RNF150: variants seen among roughly 807,000 people sequenced by gnomAD.
RNF150 encodes ring finger protein 150.
RNF150 carries 24 observed loss-of-function variants against 39.3 expected under a neutral mutation model. The ratio of observed to expected loss-of-function variants is 0.61; its 90% CI spans 0.44 to 0.86. RNF150 has a LOEUF of 0.86. RNF150 is among the 40% of genes least tolerant of loss of function. The pLI is 0.00. For missense variants in RNF150, 502 were observed against 587.8 expected (o/e 0.85, Z 1.51); for synonymous variants, 255 against 227.3 (o/e 1.12, Z -1.10).
intron 1 of RNF150, among the ~76,000 whole-genome samples, chr4:140,986,219 G>A (rs1467476280): frequency 1.3e-5 from 2 of 152,004 alleles, no homozygotes; most frequent in Non-Finnish European, 2.9e-5. Context: ...AAGAAAATGC[G>A]CTGCCCACGT....
chr4:140,964,933 T>G (rs1733177533), intron 2 of RNF150, among the ~76,000 whole-genome samples: 1 of 151,838 alleles, frequency 6.6e-6, no homozygotes, highest in Admixed American at 6.6e-5. Context: ...ATATGTTAAA[T>G]GGGGATACTG....
chr4:140,899,783 T>C (rs1730105766), intron 6 of RNF150, among the ~76,000 whole-genome samples: 1 of 151,906 alleles, frequency 6.6e-6, no homozygotes, highest in African/African-American at 2.4e-5. Context: ...GCTAAATCAC[T>C]TCAGCTGCAA....
intron 1 of RNF150, among the ~76,000 whole-genome samples, chr4:141,100,677 A>T (rs1355417918): frequency 6.6e-6 from 1 of 152,224 alleles, no homozygotes; most frequent in Non-Finnish European, 1.5e-5. Context: ...CATGTGTTGC[A>T]TAACAACAGA....
intron 1 of RNF150, among the ~76,000 whole-genome samples, chr4:140,985,528 A>G (rs1210903480): frequency 1.3e-5 from 2 of 152,188 alleles, no homozygotes; most frequent in Admixed American, 1.3e-4. Flanking sequence ...TGTAGCCACT[A>G]GCCACATGGA....
chr4:141,198,995 C>T (rs1398352158), intron 1 of RNF150, among the ~76,000 whole-genome samples: 1 of 152,066 alleles, frequency 6.6e-6, no homozygotes, highest in Non-Finnish European at 1.5e-5. Flanking sequence ...TTCTCATATT[C>T]AGAAGACACA....
intron 1 of RNF150, among the ~76,000 whole-genome samples, chr4:141,038,157 T>C (rs898984716): frequency 6.6e-6 from 1 of 152,172 alleles, no homozygotes; most frequent in Non-Finnish European, 1.5e-5. Context: ...GTGGAGAGAA[T>C]GCTTGGCTGG....
intron 1 of RNF150, among the ~76,000 whole-genome samples, chr4:141,022,804 CCAAA>C (rs1274277351): frequency 5.9e-5 from 9 of 152,068 alleles, no homozygotes; most frequent in Admixed American, 2.0e-4. Context: ...TTCTGTATCA[CCAAA>C]CAAAGTGTCA....
chr4:141,096,515 A>G (rs1455347587), intron 1 of RNF150, among the ~76,000 whole-genome samples: 1 of 152,052 alleles, frequency 6.6e-6, no homozygotes, highest in Non-Finnish European at 1.5e-5. Flanking sequence ...TTTAGCTTCT[A>G]CAACAATTAA....
chr4:141,211,630 G>T (rs1728467318), intron 1 of RNF150, among the ~76,000 whole-genome samples: 1 of 151,760 alleles, frequency 6.6e-6, no homozygotes, highest in Non-Finnish European at 1.5e-5. Context: ...AAGAAGGAAA[G>T]TAATAGAATT....
chr4:140,938,233 T>C (rs527923448), intron 4 of RNF150, among the ~76,000 whole-genome samples: 4 of 152,330 alleles, frequency 2.6e-5, no homozygotes, highest in African/African-American at 9.6e-5. Context: ...TTTCAGTGAT[T>C]TCAGTAAAAC....
rs756261993 is a variant in RNF150 at position 140,967,677 on chromosome 4, G to A, written c.681C>T (p.Leu227=). The A allele has an allele frequency of 3.1e-6, 5 of 1,613,150 alleles. No homozygotes were observed. Among genetic ancestry groups the A allele is most frequent in the Non-Finnish European group, 3.4e-6 (4 of 1,179,404 alleles). ...GAAACCTCTGGATGTAATAAAAGAC[G>A]AGCCATGCGAGGGAAATGATCATCA... ...IVLMIISLAW[L]VFYYIQRFRY... The change falls in exon 2 of 7, where the codon CTC becomes CTT. Residue 227 remains leucine (L), a synonymous_variant. Coordinates refer to ENST00000515673, the MANE Select transcript of RNF150 (RefSeq NM_020724.2).
chr4:141,088,678 T>TACACACACACACAC (rs60239559), intron 1 of RNF150, among the ~76,000 whole-genome samples: 32 of 146,612 alleles, frequency 2.2e-4, no homozygotes, highest in East Asian at 1.2e-3. Flanking sequence ...ACTTTGCTTT[T>TACACACACACACAC]ACACACACAC....
rs1726909028 is a variant in RNF150, at chr4:141,132,174, C to G, written c.484+151G>C. The G allele has an allele frequency of 1.3e-6, 1 of 783,018 alleles. No homozygotes were observed. The highest frequency in any genetic ancestry group is 2.0e-6 in the Non-Finnish European group (1 of 492,702). The allele number at this position is 783,018 out of a possible 1,614,324, so 48.5% of individuals were successfully genotyped here. On this transcript the variant is annotated intron_variant, in intron 1 of 6. Transcript: ENST00000515673. This position sits in a 1 kb window ranked among gnomAD's most constrained non-coding sequence, Gnocchi z 4.9. ...TCCTCTTTGTAAACCCCCCAAGTGA[C>G]GCGGAGCAAAACTTAATCGGTCCAG... is the stretch of plus-strand genomic sequence containing the variant.
chr4:141,061,714 G>A (rs1357381600), intron 1 of RNF150, among the ~76,000 whole-genome samples: 1 of 152,086 alleles, frequency 6.6e-6, no homozygotes, highest in Non-Finnish European at 1.5e-5. Flanking sequence ...TCTGCCTAAA[G>A]AGCACAGTAG....
intron 6 of RNF150, among the ~76,000 whole-genome samples, chr4:140,873,438 C>A (rs1005620566): frequency 4.6e-5 from 7 of 152,090 alleles, no homozygotes; most frequent in Admixed American, 2.0e-4. Context: ...AAAATTGCCC[C>A]CAAAGAGCCT....
chr4:140,882,634 A>G (rs910779062), intron 6 of RNF150, among the ~76,000 whole-genome samples: 1 of 152,130 alleles, frequency 6.6e-6, no homozygotes, highest in Non-Finnish European at 1.5e-5. Context: ...AATAATTGTT[A>G]TATCTTTCTG....
chr4:141,015,556 T>A (rs1735238335), intron 1 of RNF150, among the ~76,000 whole-genome samples: 1 of 152,200 alleles, frequency 6.6e-6, no homozygotes, highest in Admixed American at 6.5e-5. Flanking sequence ...TCAGATAGTT[T>A]GCTGTTAGTC....
At chr4:141,152,723 G>T (rs1426877304) in intron 1 of RNF150, among the ~76,000 whole-genome samples, 2 of 152,136 alleles carry the variant, frequency 1.3e-5, no homozygotes, top group African/African-American at 4.8e-5. Flanking sequence ...GGGGATAAAA[G>T]CTGGGGTGTG....
At chr4:141,204,316 G>A (rs1728340658) in intron 1 of RNF150, among the ~76,000 whole-genome samples, 1 of 152,140 alleles carries the variant, frequency 6.6e-6, no homozygotes, top group South Asian at 2.1e-4. Context: ...TCTATTGGAA[G>A]TGAGAATTGA....
Sources: allele counts gnomAD v4.1 joint callset (sites outside exome capture counted in the v4.1 genomes callset), GRCh38; gene constraint gnomAD v4.1.1; non-coding constraint Gnocchi (gnomAD v3.1); transcripts MANE v1.5; gene names NCBI Gene and HGNC (gene_info 2026-07-23, HGNC 2026-07-21).